FBXL7: variants seen among roughly 807,000 people sequenced by gnomAD.
FBXL7 encodes the protein F-box/LRR-repeat protein 7.
FBXL7 carries 12 observed loss-of-function variants against 38.3 expected under a neutral mutation model. That is an observed-to-expected ratio of 0.31 (90% confidence interval 0.20 to 0.51). FBXL7 has a LOEUF of 0.51. FBXL7 is among the 20% of genes least tolerant of loss of function. The probability of loss-of-function intolerance (pLI) is 0.98; values close to 1 mark genes in which losing one functional copy is unlikely to be tolerated. For synonymous variants in FBXL7, 297 were observed against 300.9 expected, an observed-to-expected ratio of 0.99 and a Z score of 0.13; for missense variants, 567 against 676.4, an observed-to-expected ratio of 0.84 and a Z score of 1.79.
intron 1 of FBXL7, among the ~76,000 whole-genome samples, chr5:15,541,381 TAC>T (rs1214934755): frequency 6.9e-5 from 10 of 144,152 alleles, no homozygotes; most frequent in Non-Finnish European, 1.5e-4. Context: ...CATATATATA[TAC>T]ACACACATAT....
intron 1 of FBXL7, among the ~76,000 whole-genome samples, chr5:15,546,337 C>A (rs1035025269): frequency 6.6e-6 from 1 of 152,068 alleles, no homozygotes; most frequent in Non-Finnish European, 1.5e-5. Context: ...GAGGCTGAGG[C>A]GGGTAGATCA....
intron 2 of FBXL7, among the ~76,000 whole-genome samples, chr5:15,760,030 C>G (rs1179123595): frequency 6.6e-6 from 1 of 152,000 alleles, no homozygotes; most frequent in Non-Finnish European, 1.5e-5. Flanking sequence ...CCAGAAGGCA[C>G]CTTTGAGAAT....
At chr5:15,846,955 T>C (rs1385828346) in intron 2 of FBXL7, among the ~76,000 whole-genome samples, 1 of 152,176 alleles carries the variant, frequency 6.6e-6, no homozygotes, top group African/African-American at 2.4e-5. Flanking sequence ...TCTACCAGAT[T>C]GGGTGGAAAA....
chr5:15,935,942 C>G (rs1465377449), intron 3 of FBXL7, among the ~76,000 whole-genome samples: 1 of 152,164 alleles, frequency 6.6e-6, no homozygotes, highest in African/African-American at 2.4e-5. Context: ...TTCTGCTAAA[C>G]CAAGGTACAT....
At chr5:15,619,215 A>C (rs1561054767) in intron 2 of FBXL7, among the ~76,000 whole-genome samples, 1 of 151,982 alleles carries the variant, frequency 6.6e-6, no homozygotes, top group African/African-American at 2.4e-5. Flanking sequence ...ATACTTAGCC[A>C]TTTTTTGTGT....
At chr5:15,869,488 C>G (rs1226661269) in intron 2 of FBXL7, among the ~76,000 whole-genome samples, 1 of 152,150 alleles carries the variant, frequency 6.6e-6, no homozygotes, top group African/African-American at 2.4e-5. Context: ...CAGACTGAGA[C>G]AATAAATTAC....
intron 2 of FBXL7, among the ~76,000 whole-genome samples, chr5:15,868,964 T>G (rs542429426): frequency 5.9e-5 from 9 of 152,278 alleles, no homozygotes; most frequent in African/African-American, 1.9e-4. Context: ...CAATACGTAC[T>G]TACTCTCTCA....
At chr5:15,919,163 G>T (rs2126442120) in intron 2 of FBXL7, among the ~76,000 whole-genome samples, 1 of 152,272 alleles carries the variant, frequency 6.6e-6, no homozygotes, top group Admixed American at 6.5e-5. Flanking sequence ...TTGCACAAAA[G>T]TTTTGGTAAT....
chr5:15,616,042 A>G lies in FBXL7; in HGVS notation c.97A>G (p.Lys33Glu). The change falls in exon 2 of 4, where the codon AAA (lysine) becomes GAA (glutamate). Residue 33 changes from lysine (K) to glutamate (E), a missense_variant. By Grantham distance (56) the Lys-to-Glu change is moderately conservative. Transcript: ENST00000504595. Reference sequence around the variant, plus strand: ...TTCAAGTACAGATCACACGCCCACTAAAGCCCAGAAGAATGTGGCTACCAG... The same window carrying G: ...TTCAAGTACAGATCACACGCCCACTGAAGCCCAGAAGAATGTGGCTACCAG... ...VSSSTDHTPTKAQKNVATSED... is the reference protein window; with the variant it reads ...VSSSTDHTPTEAQKNVATSED... The G allele has an allele frequency of 6.2e-7, 1 of 1,613,468 alleles. No homozygotes were observed. Among genetic ancestry groups the G allele is most frequent in the Non-Finnish European group, 8.5e-7 (1 of 1,179,564 alleles).
chr5:15,801,655 G>GTT (rs1554022506), intron 2 of FBXL7, among the ~76,000 whole-genome samples: 17 of 146,854 alleles, frequency 1.2e-4, no homozygotes, highest in African/African-American at 4.2e-4. Flanking sequence ...GTGTGTGTGT[G>GTT]TGCGCGCGCG....
chr5:15,774,962 T>G (rs1372492440), intron 2 of FBXL7, among the ~76,000 whole-genome samples: 4 of 152,190 alleles, frequency 2.6e-5, no homozygotes, highest in African/African-American at 9.7e-5. Context: ...GAACAGAGCT[T>G]AGTGCCTGAG....
chr5:15,835,851 T>A (rs1738579406), intron 2 of FBXL7, among the ~76,000 whole-genome samples: 1 of 152,212 alleles, frequency 6.6e-6, no homozygotes, highest in Admixed American at 6.5e-5. Context: ...TGTAGTCCTT[T>A]GAAGTTCTCA....
At chr5:15,750,254 T>C (rs1286734871) in intron 2 of FBXL7, among the ~76,000 whole-genome samples, 3 of 152,210 alleles carry the variant, frequency 2.0e-5, no homozygotes, top group Non-Finnish European at 4.4e-5. Flanking sequence ...AACTATACAC[T>C]GTAAGTGAAA....
At chr5:15,619,268 T>G (rs970297098) in intron 2 of FBXL7, among the ~76,000 whole-genome samples, 182 of 152,298 alleles carry the variant, frequency 1.2e-3, no homozygotes, top group African/African-American at 3.9e-3. Context: ...CTGGAGTCTG[T>G]ATTCAGTTAA....
At chr5:15,846,048 T>C (rs1356511188) in intron 2 of FBXL7, among the ~76,000 whole-genome samples, 1 of 152,252 alleles carries the variant, frequency 6.6e-6, no homozygotes, top group Non-Finnish European at 1.5e-5. Flanking sequence ...TCTCCAAATA[T>C]ATCCACTATG....
At chr5:15,840,329 T>A (rs1383753252) in intron 2 of FBXL7, among the ~76,000 whole-genome samples, 4 of 152,200 alleles carry the variant, frequency 2.6e-5, no homozygotes, top group Non-Finnish European at 5.9e-5. Context: ...CAGTAGTAAG[T>A]TATGACACCT....
At chr5:15,821,119 G>T (rs1323472716) in intron 2 of FBXL7, among the ~76,000 whole-genome samples, 1 of 152,098 alleles carries the variant, frequency 6.6e-6, no homozygotes, top group Non-Finnish European at 1.5e-5. Flanking sequence ...CCCAGTAAAT[G>T]GTTTGTTAGA....
intron 2 of FBXL7, among the ~76,000 whole-genome samples, chr5:15,926,595 C>T (rs1434783062): frequency 1.3e-5 from 2 of 152,002 alleles, no homozygotes; most frequent in Non-Finnish European, 2.9e-5. Context: ...GAGCCTACTT[C>T]TTGAAGTGGC....
chr5:15,534,387 C>T (rs1027889213), intron 1 of FBXL7, among the ~76,000 whole-genome samples: 8 of 151,900 alleles, frequency 5.3e-5, no homozygotes, highest in Admixed American at 3.3e-4. Context: ...TTGCCTTTTT[C>T]AGAGTGTCAT....
Sources: gnomAD v4.1 joint callset for allele counts (sites outside exome capture counted in the v4.1 genomes callset) on GRCh38, gnomAD v4.1.1 for gene constraint, MANE v1.5 for transcripts, NCBI Gene and HGNC (gene_info 2026-07-23, HGNC 2026-07-21) for gene names.